The following SIL1 variants were observed in gnomAD, a reference collection of about 807,000 sequenced individuals.
The protein encoded by SIL1 is nucleotide exchange factor SIL1.
SIL1 carries 40 observed loss-of-function variants against 49.1 expected under a neutral mutation model. The ratio of observed to expected loss-of-function variants is 0.81; its 90% confidence interval spans 0.63 to 1.06. The LOEUF is 1.06. Among genes scored for constraint, SIL1 ranks in the 50% least tolerant of loss-of-function variants. The pLI, the probability that SIL1 is intolerant of heterozygous loss-of-function variation, is 0.00. For synonymous variants in SIL1, 253 were observed against 250.8 expected (o/e 1.01, Z -0.08); for missense variants, 500 against 572.6 (o/e 0.87, Z 1.29).
At chr5:139,095,315 G>A (rs11741077) in intron 3 of SIL1, among the ~76,000 whole-genome samples, 37,990 of 148,398 alleles carry the variant, frequency 0.26, 5,817 homozygotes, top group Middle Eastern at 0.39. Context: ...CCAGGCTGGA[G>A]TACGGTGGTG....
At chr5:139,161,389 G>A (rs1056255657) in intron 1 of SIL1, among the ~76,000 whole-genome samples, 3 of 152,188 alleles carry the variant, frequency 2.0e-5, no homozygotes, top group Admixed American at 6.6e-5. Flanking sequence ...TCTAAGTCAG[G>A]TTAAAGGTAA....
intron 3 of SIL1, among the ~76,000 whole-genome samples, chr5:139,062,104 A>G (rs1016689927): frequency 1.3e-5 from 2 of 152,202 alleles, no homozygotes; most frequent in African/African-American, 2.4e-5. Flanking sequence ...TCCCTGCCTT[A>G]CACAAATGAG....
intron 5 of SIL1, among the ~76,000 whole-genome samples, chr5:139,031,734 A>G (rs1340006539): frequency 2.6e-5 from 4 of 152,224 alleles, no homozygotes; most frequent in African/African-American, 9.6e-5. Flanking sequence ...ATCCATGGAC[A>G]CAGTGTGTCA....
At chr5:139,149,277 T>C (rs1561880993) in intron 1 of SIL1, among the ~76,000 whole-genome samples, 3 of 152,202 alleles carry the variant, frequency 2.0e-5, no homozygotes, top group Non-Finnish European at 4.4e-5. Flanking sequence ...TTTTTCATTC[T>C]CCCATACAGG....
chr5:139,017,983 C>G (rs1454397195), intron 7 of SIL1, among the ~76,000 whole-genome samples: 1 of 152,150 alleles, frequency 6.6e-6, no homozygotes, highest in Non-Finnish European at 1.5e-5. Context: ...CTGCTAAAAG[C>G]ATCAGCACCC....
At chr5:139,016,365 G>C (rs1438019687) in intron 7 of SIL1, among the ~76,000 whole-genome samples, 2 of 152,222 alleles carry the variant, frequency 1.3e-5, no homozygotes, top group South Asian at 4.1e-4. Context: ...CGATGAGACA[G>C]TGTGGTAGAA....
At chr5:139,194,202 C>T (rs1252474707) in intron 1 of SIL1, among the ~76,000 whole-genome samples, 1 of 152,192 alleles carries the variant, frequency 6.6e-6, no homozygotes, top group Non-Finnish European at 1.5e-5. Context: ...ATTCTGGGTA[C>T]AAATTTGCAA....
intron 7 of SIL1, among the ~76,000 whole-genome samples, chr5:139,020,903 A>G (rs545133986): frequency 1.3e-5 from 2 of 152,280 alleles, no homozygotes; most frequent in African/African-American, 4.8e-5. Context: ...CTAACTTTTT[A>G]CAAGCTTTGA....
At chr5:138,995,250 CTT>C (rs55923125) in intron 7 of SIL1, among the ~76,000 whole-genome samples, 13 of 145,966 alleles carry the variant, frequency 8.9e-5, no homozygotes, top group Admixed American at 3.4e-4. Context: ...AAATATTCAT[CTT>C]TTTTTTTTTT....
intron 7 of SIL1, among the ~76,000 whole-genome samples, chr5:138,969,576 G>A (rs986602843): frequency 8.5e-5 from 13 of 152,206 alleles, no homozygotes; most frequent in African/African-American, 2.2e-4. Context: ...AGCTCTGCCC[G>A]AGGTCCCTGA....
At chr5:139,143,330 CACACACACACACACATAT>C (rs1340368051) in intron 1 of SIL1, among the ~76,000 whole-genome samples, 16 of 95,938 alleles carry the variant, frequency 1.7e-4, no homozygotes, top group African/African-American at 4.9e-4. Flanking sequence ...CACACACACA[CACACACACACACACATAT>C]ATATATATAT....
intron 4 of SIL1, among the ~76,000 whole-genome samples, chr5:139,043,983 T>C (rs896225276): frequency 6.6e-6 from 1 of 152,154 alleles, no homozygotes; most frequent in African/African-American, 2.4e-5. Context: ...ATCAGTCTCA[T>C]AGTCTGAGAT....
chr5:138,998,093 C>T lies in SIL1; in HGVS notation c.767+23078G>A, dbSNP rs1330216564. The stretch of plus-strand genomic sequence containing the variant: ...TATTAATTAGTCCTATCCATGAGCA[C>T]GGAAACTTTCCATTTTTGTGTGTCC... On this transcript the variant is annotated intron_variant, in intron 7 of 9. Coordinates refer to ENST00000394817, the MANE Select transcript of SIL1 (RefSeq NM_022464.5). Among the ~76,000 whole-genome samples the T allele has an allele frequency of 3.3e-5, 5 of 152,162 alleles. No individual in the cohort carries two copies. In the East Asian group the frequency reaches 5.8e-4, roughly 18 times the overall value.
chr5:139,192,019 G>A (rs1752182008), intron 1 of SIL1, among the ~76,000 whole-genome samples: 1 of 147,530 alleles, frequency 6.8e-6, no homozygotes. Context: ...AGGTTGCAGT[G>A]AGCCGAGATT....
chr5:138,948,514 G>A lies in SIL1; in HGVS notation c.1030-1041C>T, dbSNP rs866838473. The stretch of plus-strand genomic sequence containing the variant: ...AAATCAATCCCTTCCCTGGGACTGC[G>A]AGGCTCTGCAGGCTCTGCCCCCACT... On this transcript the variant is annotated intron_variant, in intron 9 of 9. Coordinates refer to ENST00000394817, the MANE Select transcript of SIL1 (RefSeq NM_022464.5). This position sits in a 1 kb window ranked among gnomAD's most constrained non-coding sequence, Gnocchi z 4.8. Among the ~76,000 whole-genome samples, 2 of 152,102 alleles carry A rather than the reference G, an allele frequency of 1.3e-5. No homozygotes were observed. Among genetic ancestry groups the A allele is most frequent in the African/African-American group, 4.8e-5 (2 of 41,406 alleles).
At chr5:139,172,183 A>C (rs1751785530) in intron 1 of SIL1, among the ~76,000 whole-genome samples, 1 of 152,250 alleles carries the variant, frequency 6.6e-6, no homozygotes, top group African/African-American at 2.4e-5. Flanking sequence ...TAGCAGAGAG[A>C]ACATTTGAAA....
chr5:138,974,852 A>G (rs10051320), intron 7 of SIL1, among the ~76,000 whole-genome samples: 3,317 of 152,242 alleles, frequency 0.022, 124 homozygotes, highest in African/African-American at 0.077. Flanking sequence ...CTTCATGTGT[A>G]TCATCCTACA....
chr5:139,032,521 G>A (rs1290976320), intron 5 of SIL1, among the ~76,000 whole-genome samples: 1 of 152,208 alleles, frequency 6.6e-6, no homozygotes, highest in Non-Finnish European at 1.5e-5. Flanking sequence ...ATGTTGCTAT[G>A]TAGTTTATTT....
intron 3 of SIL1, among the ~76,000 whole-genome samples, chr5:139,077,639 G>C (rs1769980932): frequency 6.6e-6 from 1 of 152,124 alleles, no homozygotes; most frequent in South Asian, 2.1e-4. Context: ...TTTCCCAAAA[G>C]CCTCCTCTTT....
Sources: gnomAD v4.1 joint callset for allele counts (sites outside exome capture counted in the v4.1 genomes callset) on GRCh38, gnomAD v4.1.1 for gene constraint, Gnocchi (gnomAD v3.1) non-coding constraint, MANE v1.5 for transcripts, NCBI Gene and HGNC (gene_info 2026-07-23, HGNC 2026-07-21) for gene names.